ARHGAP40: variants seen among roughly 807,000 people sequenced by gnomAD.
ARHGAP40 encodes the protein rho GTPase-activating protein 40.
ARHGAP40 carries 43 observed loss-of-function variants against 73.5 expected under a neutral mutation model. The ratio of observed to expected loss-of-function variants is 0.58; its 90% CI spans 0.46 to 0.75. The LOEUF (loss-of-function observed/expected upper bound fraction) is 0.75. Ranked by LOEUF, ARHGAP40 falls within the 30% of genes least tolerant of loss-of-function variation. The pLI is 0.00. For synonymous variants in ARHGAP40, 300 were observed against 352.8 expected (o/e 0.85, Z 1.68); for missense variants, 734 against 861.8 (o/e 0.85, Z 1.86).
chr20:38,627,127 G>T (rs542329489), exon 3 of ARHGAP40: 2 of 1,305,432 alleles, frequency 1.5e-6, no homozygotes, highest in Non-Finnish European at 1.0e-6. Context: ...GTGTGCCGCC[G>T]GCTGGACATC....
At position 38,648,628 on chromosome 20, in the gene ARHGAP40, C is replaced by T. The variant is rs220526; in HGVS notation, c.1881-15C>T. On this transcript the variant is annotated splice_polypyrimidine_tract_variant and intron_variant, in intron 13 of 14. Coordinates refer to ENST00000373345, the Ensembl canonical transcript of ARHGAP40. Reference sequence around the variant, plus strand: ...AAAGGCAGTAGTTTTTTTTTTCTCTCTCTCTGTTTTACAGCCATAGGTCCA... The same window carrying T: ...AAAGGCAGTAGTTTTTTTTTTCTCTTTCTCTGTTTTACAGCCATAGGTCCA... 736,916 of 1,294,280 alleles carry T rather than the reference C, an allele frequency of 0.57. 211,432 individuals are homozygous for T. Among genetic ancestry groups the T allele is most frequent in the African/African-American group, 0.71 (46,123 of 65,094 alleles). 80.2% of individuals were successfully genotyped at this position (1,294,280 alleles called of 1,614,324 possible).
intron 1 of ARHGAP40, among the ~76,000 whole-genome samples, chr20:38,617,542 G>C (rs2088849406): frequency 6.6e-6 from 1 of 152,156 alleles, no homozygotes; most frequent in African/African-American, 2.4e-5. Flanking sequence ...TTGGATGGGA[G>C]CCGAGGACTT....
intron 1 of ARHGAP40, among the ~76,000 whole-genome samples, chr20:38,613,690 G>A (rs1342255301): frequency 6.6e-6 from 1 of 152,200 alleles, no homozygotes; most frequent in African/African-American, 2.4e-5. Context: ...AGCTAAAGGG[G>A]GCACCCATAG....
At chr20:38,619,091 A>G (rs2088859865) in intron 1 of ARHGAP40, among the ~76,000 whole-genome samples, 1 of 152,222 alleles carries the variant, frequency 6.6e-6, no homozygotes, top group South Asian at 2.1e-4. Flanking sequence ...AATCCAGGTT[A>G]GGGATGAGAA....
intron 13 of ARHGAP40, 75 bp from the exon 14 acceptor site, chr20:38,648,568 A>G (rs2089068113): frequency 1.7e-6 from 2 of 1,208,900 alleles, no homozygotes; most frequent in East Asian, 5.7e-5. Flanking sequence ...GCTGGGGGCC[A>G]TGCACAGTTG....
At chr20:38,645,134 C>G (rs552619193) in intron 11 of ARHGAP40, among the ~76,000 whole-genome samples, 25 of 150,046 alleles carry the variant, frequency 1.7e-4, no homozygotes, top group Admixed American at 5.3e-4. Flanking sequence ...TTTACTCTGC[C>G]TGGAATTCCC....
At chr20:38,628,396 C>T (rs2088916237) in intron 3 of ARHGAP40, among the ~76,000 whole-genome samples, 1 of 152,072 alleles carries the variant, frequency 6.6e-6, no homozygotes, top group Non-Finnish European at 1.5e-5. Flanking sequence ...GCTCCGCCTC[C>T]CGGGTTCACG....
exon 9 of ARHGAP40, chr20:38,639,367 G>A (rs770558270): frequency 1.5e-6 from 2 of 1,305,392 alleles, no homozygotes; most frequent in African/African-American, 1.5e-5. Context: ...AGTACCTCCC[G>A]GCCTTCGCCG....
rs1028435056 is a variant in ARHGAP40, at chr20:38,626,866, G to A, written c.338-129G>A. 4.8e-6 allele frequency: 3 copies of A among 627,572 alleles called. No individual in the cohort carries two copies. The African/African-American group carries it at 5.8e-5, about 12-fold the overall frequency. The allele number at this position is 627,572 out of a possible 1,614,324, so 38.9% of individuals were successfully genotyped here. ...CGGAGAGTCTGGTTGGTGTTAATAG[G>A]TCTCACGATCAGATATGCAGAAACT... On this transcript the variant is annotated intron_variant, in intron 2 of 14. Coordinates refer to ENST00000373345, the Ensembl canonical transcript of ARHGAP40.
intron 1 of ARHGAP40, among the ~76,000 whole-genome samples, chr20:38,605,923 A>G (rs531783085): frequency 1.3e-5 from 2 of 152,014 alleles, no homozygotes; most frequent in Non-Finnish European, 2.9e-5. Context: ...GTCTTGCTCT[A>G]TTGACCAGGC....
chr20:38,650,466 T>G (rs1482192471), exon 15 of ARHGAP40: 1 of 470,676 alleles, frequency 2.1e-6, no homozygotes, highest in African/African-American at 2.0e-5. Flanking sequence ...GATGAGGGGC[T>G]AGGGCCTCAG....
rs1227681267 is a variant in ARHGAP40, at chr20:38,646,896, G to A, written c.1711-61G>A. The A allele has an allele frequency of 8.7e-6, 11 of 1,259,016 alleles. No individual in the cohort carries two copies. Among genetic ancestry groups the A allele is most frequent in the Admixed American group, 2.6e-5 (1 of 38,176 alleles). The allele number at this position is 1,259,016 out of a possible 1,614,324, so 78.0% of individuals were successfully genotyped here. A position where few individuals can be genotyped will look rare whatever the true frequency, so the allele number is the denominator to read the frequency against. On this transcript the variant is annotated intron_variant, in intron 12 of 14. Coordinates refer to ENST00000373345, the Ensembl canonical transcript of ARHGAP40. The surrounding 1 kb of genome is among the most constrained non-coding windows in gnomAD (Gnocchi z 4.5). ...CATGTATGCGTGTTTATGCATCCAC[G>A]TTGGAACTCCAGGCAAGCTGACTCT... is the stretch of plus-strand genomic sequence containing the variant.
Position 38,646,034 on chromosome 20 carries a change from C to T in ARHGAP40, c.1570-13C>T. On this transcript the variant is annotated splice_polypyrimidine_tract_variant and intron_variant, in intron 11 of 14. Transcript: ENST00000373345. This position sits in a 1 kb window ranked among gnomAD's most constrained non-coding sequence, Gnocchi z 4.5. Reference sequence around the variant, plus strand: ...TCCTATCCCCCTGCCAAAACTTGATCCTTTCTGGCCAGGTCGCCTCTTTCC... The same window carrying T: ...TCCTATCCCCCTGCCAAAACTTGATTCTTTCTGGCCAGGTCGCCTCTTTCC... 1 of 1,295,364 alleles carries T rather than the reference C, an allele frequency of 7.7e-7. No homozygotes were observed. Among genetic ancestry groups the T allele is most frequent in the Non-Finnish European group, 1.0e-6 (1 of 983,438 alleles). 80.2% of individuals were successfully genotyped at this position (1,295,364 alleles called of 1,614,324 possible).
intron 6 of ARHGAP40, among the ~76,000 whole-genome samples, chr20:38,636,408 A>T (rs1222061336): frequency 2.0e-5 from 3 of 151,840 alleles, no homozygotes; most frequent in Non-Finnish European, 4.4e-5. Flanking sequence ...GACTGCAGGT[A>T]TGTGCCATCA....
In ARHGAP40 at chr20:38,629,596, G is replaced by C. The variant is rs950080307; in HGVS notation, c.729G>C (p.Gln243His). ...CAGAACAAGCTGCGGTGCTCCTGCA[G>C]AGGAGCAGGCCATCCCGGGGAGGCA... The change falls in exon 5 of 15, where the codon CAG (glutamine) becomes CAC (histidine). Residue 243 changes from glutamine to histidine, a missense_variant. Gln to His is a conservative substitution (Grantham distance 24). Transcript: ENST00000373345. 2 of 1,305,292 alleles carry C rather than the reference G, an allele frequency of 1.5e-6. No individual in the cohort carries two copies. Among genetic ancestry groups the C allele is most frequent in the Non-Finnish European group, 2.0e-6 (2 of 988,960 alleles). 80.9% of individuals were successfully genotyped at this position (1,305,292 alleles called of 1,614,324 possible).
chr20:38,637,772 C>G, exon 7 of ARHGAP40: 1 of 1,305,322 alleles, frequency 7.7e-7, no homozygotes, highest in Non-Finnish European at 1.0e-6. Context: ...TCCTCCCCAG[C>G]ACACAGGTCC....
intron 14 of ARHGAP40, among the ~76,000 whole-genome samples, chr20:38,649,270 G>A (rs996558131): frequency 1.3e-5 from 2 of 152,192 alleles, no homozygotes; most frequent in Admixed American, 6.5e-5. Context: ...GCTGCTGGTC[G>A]GGGGGCCACA....
chr20:38,634,558 C>T lies in ARHGAP40; in HGVS notation c.784-62C>T, dbSNP rs185408028. The stretch of plus-strand genomic sequence containing the variant: ...AAATGCCCTGGGGAGAAGGGGGAGC[C>T]CCAAAATACACATCAGACTCATAGC... On this transcript the variant is annotated intron_variant, in intron 5 of 14. Transcript: ENST00000373345. 1.3e-5 allele frequency: 17 copies of T among 1,288,954 alleles called. No individual in the cohort carries two copies. In the African/African-American group the frequency reaches 2.4e-4, roughly 19 times the overall value. The allele number at this position is 1,288,954 out of a possible 1,614,324, so 79.8% of individuals were successfully genotyped here.
At chr20:38,649,070 C>T (rs1436215430) in intron 14 of ARHGAP40, among the ~76,000 whole-genome samples, 4 of 152,216 alleles carry the variant, frequency 2.6e-5, no homozygotes, top group African/African-American at 9.6e-5. Flanking sequence ...AGGAATTCTG[C>T]AAACACATAT....
Sources: allele counts gnomAD v4.1 joint callset (sites outside exome capture counted in the v4.1 genomes callset), GRCh38; gene constraint gnomAD v4.1.1; non-coding constraint Gnocchi (gnomAD v3.1); transcripts MANE v1.5; gene names NCBI Gene and HGNC (gene_info 2026-07-23, HGNC 2026-07-21).